Variants in CUL1 observed in about 807,000 individuals in gnomAD.
CUL1 encodes the protein cullin 1.
A neutral mutation model predicts 118.0 loss-of-function variants in CUL1; 24 were observed. The ratio of observed to expected loss-of-function variants is 0.20; its 90% CI spans 0.15 to 0.29. The LOEUF (loss-of-function observed/expected upper bound fraction) is 0.29. CUL1 is among the 10% of genes least tolerant of loss of function. The pLI is 1.00. For synonymous variants in CUL1, 332 were observed against 340.4 expected, an observed-to-expected ratio of 0.98 and a Z score of 0.27; for missense variants, 361 against 933.8, an observed-to-expected ratio of 0.39 and a Z score of 7.99.
intron 1 of CUL1, among the ~76,000 whole-genome samples, chr7:148,729,049 T>C (rs1473122442): frequency 6.6e-6 from 1 of 152,252 alleles, no homozygotes. Context: ...GTGACGTACA[T>C]AGGTAGTCCT....
chr7:148,725,247 A>ACACACACACACACACACACC (rs1249684580), intron 1 of CUL1, among the ~76,000 whole-genome samples: 2 of 150,934 alleles, frequency 1.3e-5, no homozygotes, highest in African/African-American at 2.4e-5. Context: ...ACACACACAC[A>ACACACACACACACACACACC]CCCGTACCCC....
chr7:148,743,639 C>T (rs1002679977), intron 2 of CUL1, among the ~76,000 whole-genome samples: 4 of 152,202 alleles, frequency 2.6e-5, no homozygotes, highest in African/African-American at 9.7e-5. Context: ...TGTGGTGGCT[C>T]ACATCTGTAA....
chr7:148,771,460 C>T (rs183590940), intron 9 of CUL1, among the ~76,000 whole-genome samples: 1 of 152,192 alleles, frequency 6.6e-6, no homozygotes, highest in African/African-American at 2.4e-5. Context: ...CATGGCATCT[C>T]CCTCTCGCCA....
At chr7:148,721,946 T>A (rs1798411211) in intron 1 of CUL1, among the ~76,000 whole-genome samples, 1 of 152,144 alleles carries the variant, frequency 6.6e-6, no homozygotes, top group African/African-American at 2.4e-5. Context: ...TATACAAGAG[T>A]TTCTGTAAGT....
intron 1 of CUL1, among the ~76,000 whole-genome samples, chr7:148,723,677 G>C (rs13226400): frequency 0.016 from 2,349 of 150,714 alleles, 34 homozygotes; most frequent in Non-Finnish European, 0.023. Flanking sequence ...AAAAAAAAGA[G>C]GTATATTTCA....
chr7:148,782,596 C>T (rs1800678127), intron 9 of CUL1, among the ~76,000 whole-genome samples: 1 of 152,090 alleles, frequency 6.6e-6, no homozygotes, highest in African/African-American at 2.4e-5. Context: ...TCTTATTGAA[C>T]TTAGCACAAT....
At chr7:148,751,832 T>C (rs10278305) in intron 2 of CUL1, among the ~76,000 whole-genome samples, 41,747 of 152,064 alleles carry the variant, frequency 0.27, 6,354 homozygotes, top group African/African-American at 0.4. Flanking sequence ...ATGTAGAACA[T>C]GGCCAGACGC....
At chr7:148,718,842 A>C (rs1798304390) in intron 1 of CUL1, among the ~76,000 whole-genome samples, 1 of 152,254 alleles carries the variant, frequency 6.6e-6, no homozygotes, top group East Asian at 1.9e-4. Context: ...AACAACAGGA[A>C]CCAGGCAATG....
intron 11 of CUL1, 30 bp downstream of exon 11, chr7:148,784,107 T>TTA: frequency 6.5e-7 from 1 of 1,533,468 alleles, no homozygotes; most frequent in Non-Finnish European, 9.0e-7. Flanking sequence ...TTTCTTAGTA[T>TTA]GCCTGTTTAA....
chr7:148,771,963 G>T (rs920369390), intron 9 of CUL1, among the ~76,000 whole-genome samples: 6 of 152,178 alleles, frequency 3.9e-5, no homozygotes, highest in African/African-American at 1.4e-4. Context: ...GCCTGGCCCT[G>T]TGCTAGGCTC....
intron 1 of CUL1, among the ~76,000 whole-genome samples, chr7:148,708,346 C>T (rs1201838799): frequency 6.6e-6 from 1 of 152,222 alleles, no homozygotes; most frequent in Non-Finnish European, 1.5e-5. Flanking sequence ...GTGTCAGAGA[C>T]ACAGATTTCA....
In CUL1 at chr7:148,800,654, G is replaced by A. The variant is rs1000357843; in HGVS notation, c.*72G>A. ...GTTGGAAAGAATGAAAACAACTCAA[G>A]TTCATAGCAGCCAGCCTGCCGCCAT... On this transcript the variant is annotated 3_prime_UTR_variant, in exon 22 of 22. Transcript: ENST00000325222. This position sits in a 1 kb window ranked among gnomAD's most constrained non-coding sequence, Gnocchi z 4.6. 1.7e-4 allele frequency: 208 copies of A among 1,249,366 alleles called. No homozygotes were observed. Among genetic ancestry groups the A allele is most frequent in the Non-Finnish European group, 2.3e-4 (201 of 864,920 alleles). The allele number at this position is 1,249,366 out of a possible 1,614,324, so 77.4% of individuals were successfully genotyped here.
intron 1 of CUL1, among the ~76,000 whole-genome samples, chr7:148,700,565 G>C (rs1177844568): frequency 1.3e-5 from 2 of 152,168 alleles, no homozygotes; most frequent in Non-Finnish European, 2.9e-5. Flanking sequence ...TGTTTTACTT[G>C]AAGGTTCTAT....
chr7:148,746,559 G>A (rs920432274), intron 2 of CUL1, among the ~76,000 whole-genome samples: 1 of 152,148 alleles, frequency 6.6e-6, no homozygotes, highest in African/African-American at 2.4e-5. Context: ...TTAGTGGCTC[G>A]GAGGACAACG....
chr7:148,788,618 G>A lies in CUL1; in HGVS notation c.1541G>A (p.Ser514Asn). 2 of 1,614,232 alleles carry A rather than the reference G, an allele frequency of 1.2e-6. No individual in the cohort carries two copies. The highest frequency in any genetic ancestry group is 1.7e-6 in the Non-Finnish European group (2 of 1,180,044). Reference sequence around the variant, plus strand: ...CGCATGTTTCAAGACATTGGCGTGAGCAAAGATCTGAACGAGCAATTCAAA... The same window carrying A: ...CGCATGTTTCAAGACATTGGCGTGAACAAAGATCTGAACGAGCAATTCAAA... ...LQRMFQDIGV[S>N]KDLNEQFKKH... Residue 514 changes from serine (S) to asparagine (N), a missense_variant, in exon 14 of 22, where the codon AGC becomes AAC. Physicochemically the swap from Ser to Asn is conservative, Grantham distance 46 (BLOSUM62 1). Around this residue, in one of 7 missense-constraint regions of CUL1, gnomAD observed 84 missense variants for 203.3 expected, o/e 0.41. Transcript: ENST00000325222.
chr7:148,800,405 G>T lies in CUL1; in HGVS notation c.2251-97G>T, dbSNP rs958445397. ...TGCTCCCCACTGAGCTCCGAATCAG[G>T]GGAGATTTGTGGTGGGGGCAGCCTC... On this transcript the variant is annotated intron_variant, in intron 21 of 21. Coordinates refer to ENST00000325222, the MANE Select transcript of CUL1 (RefSeq NM_003592.3). The surrounding 1 kb of genome is among the most constrained non-coding windows in gnomAD (Gnocchi z 4.6). 2 of 942,774 alleles carry T rather than the reference G, an allele frequency of 2.1e-6. No homozygotes were observed. Among genetic ancestry groups the T allele is most frequent in the East Asian group, 2.5e-5 (1 of 40,542 alleles). 58.4% of individuals were successfully genotyped at this position (942,774 alleles called of 1,614,324 possible). A position where few individuals can be genotyped will look rare whatever the true frequency, so the allele number is the denominator to read the frequency against.
chr7:148,758,159 C>T (rs946038733), intron 4 of CUL1, among the ~76,000 whole-genome samples: 1 of 152,184 alleles, frequency 6.6e-6, no homozygotes, highest in Admixed American at 6.5e-5. Flanking sequence ...AATTCTGATG[C>T]ATGCTCCAGT....
chr7:148,729,655 A>G (rs1043030024), intron 1 of CUL1, among the ~76,000 whole-genome samples: 3 of 152,112 alleles, frequency 2.0e-5, no homozygotes, highest in Admixed American at 2.0e-4. Flanking sequence ...TTGTCTTTCT[A>G]ATTGTCATCT....
intron 13 of CUL1, among the ~76,000 whole-genome samples, chr7:148,788,054 A>G (rs532345270): frequency 3.3e-5 from 5 of 152,262 alleles, no homozygotes; most frequent in Non-Finnish European, 1.5e-5. Flanking sequence ...CCTGCTTTGT[A>G]GGCAGCCACC....
Sources: allele counts gnomAD v4.1 joint callset (sites outside exome capture counted in the v4.1 genomes callset), GRCh38; gene constraint gnomAD v4.1.1; regional missense constraint gnomAD v4.1.1; non-coding constraint Gnocchi (gnomAD v3.1); transcripts MANE v1.5; gene names NCBI Gene and HGNC (gene_info 2026-07-23, HGNC 2026-07-21).